The following ANKS1B variants were observed in gnomAD, a reference collection of about 807,000 sequenced individuals.
ANKS1B encodes the protein ankyrin repeat and sterile alpha motif domain containing 1B.
ANKS1B carries 36 observed loss-of-function variants against 148.3 expected under a neutral mutation model. The observed-to-expected ratio is 0.24, with a 90% confidence interval of 0.19 to 0.32. The LOEUF (loss-of-function observed/expected upper bound fraction) is 0.32, where lower values mean the gene tolerates loss of function less well. Among genes scored for constraint, ANKS1B ranks in the 10% least tolerant of loss-of-function variants. ANKS1B has a pLI of 1.00. For missense variants in ANKS1B, 1,157 were observed against 1,542.6 expected (o/e 0.75, Z 4.19); for synonymous variants, 542 against 560.8 (o/e 0.97, Z 0.47).
chr12:98,841,829 C>A (rs1471253221), intron 17 of ANKS1B, among the ~76,000 whole-genome samples: 2 of 151,838 alleles, frequency 1.3e-5, no homozygotes, highest in East Asian at 3.9e-4. Context: ...CCACCACTAT[C>A]CCCTTCCTTA....
intron 17 of ANKS1B, among the ~76,000 whole-genome samples, chr12:98,876,431 C>T (rs2099690208): frequency 6.6e-6 from 1 of 152,212 alleles, no homozygotes; most frequent in African/African-American, 2.4e-5. Flanking sequence ...GTCGCCAATG[C>T]ACCTTGTAAT....
chr12:99,731,123 ATTTG>A (rs1019179965), intron 8 of ANKS1B, among the ~76,000 whole-genome samples: 8 of 146,584 alleles, frequency 5.5e-5, no homozygotes, highest in African/African-American at 2.0e-4. Context: ...TTTTATGTTT[ATTTG>A]TTTGTTTTTG....
At chr12:99,264,444 T>C (rs2076237169) in intron 12 of ANKS1B, among the ~76,000 whole-genome samples, 1 of 152,164 alleles carries the variant, frequency 6.6e-6, no homozygotes, top group Admixed American at 6.5e-5. Flanking sequence ...TCTTTACAGT[T>C]TTGAATTTGA....
intron 1 of ANKS1B, among the ~76,000 whole-genome samples, chr12:99,942,509 G>A (rs755974641): frequency 2.0e-5 from 3 of 151,968 alleles, no homozygotes; most frequent in Non-Finnish European, 4.4e-5. Flanking sequence ...AATAGCTTGA[G>A]GGACAACAGA....
rs145305964 is a variant in ANKS1B at position 99,956,401 on chromosome 12, A to G, written c.134+27703T>C. Among the ~76,000 whole-genome samples, 523 of 152,268 alleles carry G rather than the reference A, an allele frequency of 3.4e-3. 5 individuals carry two copies. The highest frequency in any genetic ancestry group is 0.026 in the South Asian group (126 of 4,820). On this transcript the variant is annotated intron_variant, in intron 1 of 26. Transcript: ENST00000683438. Reference sequence around the variant, plus strand: ...GGGGTCTTAGGCAAAGTGGTACATCATGTAAATGAGAGCCTCATTATTCTA... The same window carrying G: ...GGGGTCTTAGGCAAAGTGGTACATCGTGTAAATGAGAGCCTCATTATTCTA...
At chr12:98,760,868 A>G (rs1271041482) in intron 25 of ANKS1B, among the ~76,000 whole-genome samples, 1 of 152,226 alleles carries the variant, frequency 6.6e-6, no homozygotes, top group Non-Finnish European at 1.5e-5. Flanking sequence ...AGCTGTGCAA[A>G]GTTTGATCTC....
At chr12:99,606,893 C>T (rs1199998970) in intron 9 of ANKS1B, among the ~76,000 whole-genome samples, 1 of 152,070 alleles carries the variant, frequency 6.6e-6, no homozygotes, top group Non-Finnish European at 1.5e-5. Flanking sequence ...TAACCAAAGC[C>T]TCTGAAACAC....
chr12:99,601,210 A>G lies in ANKS1B; in HGVS notation c.1272+53857T>C, dbSNP rs184244438. Among the ~76,000 whole-genome samples the G allele has an allele frequency of 5.9e-5, 9 of 152,208 alleles. No homozygotes were observed. The East Asian group carries it at 1.7e-3, about 29-fold the overall frequency. On this transcript the variant is annotated intron_variant, in intron 9 of 26. Coordinates refer to ENST00000683438, the MANE Select transcript of ANKS1B (RefSeq NM_001352186.2). ...CAGTAGGTCTCAATAGATGAGGATG[A>G]CAAAGACTCCAAAATATACATCTGC...
chr12:99,494,732 C>CAAAAAAAAA (rs59115173), intron 10 of ANKS1B, among the ~76,000 whole-genome samples: 2 of 55,998 alleles, frequency 3.6e-5, no homozygotes, highest in Non-Finnish European at 6.3e-5. Flanking sequence ...CACTCTGTCT[C>CAAAAAAAAA]AAAAAAAAAA....
At chr12:99,011,412 G>T (rs1045253393) in intron 17 of ANKS1B, among the ~76,000 whole-genome samples, 4 of 152,170 alleles carry the variant, frequency 2.6e-5, no homozygotes, top group African/African-American at 7.2e-5. Flanking sequence ...AGCTATTTTG[G>T]AATTCTGATA....
intron 12 of ANKS1B, among the ~76,000 whole-genome samples, chr12:99,304,173 C>T (rs1338097968): frequency 6.6e-6 from 1 of 152,086 alleles, no homozygotes; most frequent in Non-Finnish European, 1.5e-5. Context: ...ACTTTTAGTT[C>T]TTTAAGGAGT....
intron 1 of ANKS1B, among the ~76,000 whole-genome samples, chr12:99,865,962 A>G (rs1260940326): frequency 2.0e-5 from 3 of 152,026 alleles, no homozygotes; most frequent in African/African-American, 7.2e-5. Flanking sequence ...CTAACCAGTA[A>G]TCATCCAAGC....
chr12:99,439,620 C>A (rs1201562756), intron 11 of ANKS1B, among the ~76,000 whole-genome samples: 1 of 151,592 alleles, frequency 6.6e-6, no homozygotes, highest in Non-Finnish European at 1.5e-5. Context: ...ATTTCACACC[C>A]AGAAGAATGG....
At chr12:98,937,627 T>A (rs2099820016) in intron 17 of ANKS1B, among the ~76,000 whole-genome samples, 1 of 152,164 alleles carries the variant, frequency 6.6e-6, no homozygotes, top group African/African-American at 2.4e-5. Context: ...CTCTCAGGTA[T>A]GCCAGATCAC....
At chr12:99,098,112 T>C (rs1483657731) in intron 15 of ANKS1B, among the ~76,000 whole-genome samples, 2 of 152,178 alleles carry the variant, frequency 1.3e-5, no homozygotes, top group African/African-American at 4.8e-5. Flanking sequence ...AACAATTCTA[T>C]AAAATAGATA....
chr12:99,027,272 T>C (rs1313449821), intron 17 of ANKS1B, among the ~76,000 whole-genome samples: 2 of 152,234 alleles, frequency 1.3e-5, no homozygotes, highest in African/African-American at 4.8e-5. Flanking sequence ...TGAAGACAAA[T>C]GTTTCCACAA....
intron 10 of ANKS1B, among the ~76,000 whole-genome samples, chr12:99,448,730 T>C (rs920262695): frequency 6.6e-6 from 1 of 152,044 alleles, no homozygotes; most frequent in South Asian, 2.1e-4. Context: ...TTAAAATTAT[T>C]GATGTGCTGG....
chr12:98,956,766 G>A (rs2099862866), intron 17 of ANKS1B, among the ~76,000 whole-genome samples: 1 of 152,112 alleles, frequency 6.6e-6, no homozygotes, highest in Non-Finnish European at 1.5e-5. Flanking sequence ...AAGCTGTGGG[G>A]ATACAATGCT....
chr12:99,184,375 TAGG>T (rs2079527249), intron 14 of ANKS1B, among the ~76,000 whole-genome samples: 2 of 152,162 alleles, frequency 1.3e-5, no homozygotes, highest in African/African-American at 4.8e-5. Flanking sequence ...AGAGGACTGA[TAGG>T]AGGTACAGTT....
Sources: gnomAD v4.1 joint callset for allele counts (sites outside exome capture counted in the v4.1 genomes callset) on GRCh38, gnomAD v4.1.1 for gene constraint, MANE v1.5 for transcripts, NCBI Gene and HGNC (gene_info 2026-07-23, HGNC 2026-07-21) for gene names.